BTBD1: variants seen among roughly 807,000 people sequenced by gnomAD.
The protein encoded by BTBD1 is BTB domain containing 1, also known as BTB/POZ domain-containing protein 1.
BTBD1 carries 34 observed loss-of-function variants against 48.0 expected under a neutral mutation model. The observed-to-expected ratio is 0.71, with a 90% confidence interval of 0.54 to 0.94. The LOEUF (loss-of-function observed/expected upper bound fraction) is 0.94, where lower values mean the gene tolerates loss of function less well. BTBD1 is among the 40% of genes least tolerant of loss of function. The pLI, the probability that BTBD1 is intolerant of heterozygous loss-of-function variation, is 0.00. For synonymous variants in BTBD1, 261 were observed against 242.1 expected, an observed-to-expected ratio of 1.08 and a Z score of -0.72; for missense variants, 543 against 625.6, an observed-to-expected ratio of 0.87 and a Z score of 1.41.
intron 4 of BTBD1, 71 bp from the exon 5 acceptor site, chr15:83,030,399 C>T (rs757316302): frequency 5.4e-6 from 7 of 1,302,292 alleles, no homozygotes; most frequent in East Asian, 4.7e-5. Context: ...ATTCACTTAA[C>T]GTAAATTCAA....
Position 83,021,742 on chromosome 15 carries a change from A to AAATAATAGTAATAATAAT in BTBD1, c.1056-981_1056-980insATTATTATTACTATTATT, listed in dbSNP as rs1555438314. On this transcript the variant is annotated intron_variant, in intron 5 of 7. Transcript: ENST00000261721. ...GGGTGACAGAGCGAGACTCCTTCTC[A>AAATAATAGTAATAATAAT]AATAATAATAATAATAATAATAATA... Among the ~76,000 whole-genome samples, 13 of 145,410 alleles carry AAATAATAGTAATAATAAT rather than the reference A, an allele frequency of 8.9e-5. No individual in the cohort carries two copies. In the South Asian group the frequency reaches 2.8e-3, roughly 31 times the overall value.
rs760207852 is a variant in BTBD1 at position 83,056,494 on chromosome 15, A to G, written c.453T>C (p.Thr151=). 6 of 1,613,470 alleles carry G rather than the reference A, an allele frequency of 3.7e-6. No homozygotes were observed. In the East Asian group the frequency reaches 8.9e-5, roughly 24 times the overall value. Residue 151 remains threonine (T), a synonymous_variant, in exon 2 of 8, where the codon ACT becomes ACC. Coordinates refer to ENST00000261721, the MANE Select transcript of BTBD1 (RefSeq NM_025238.4). ...VQIGPETVMT[T]LYTAKKYAVP... The stretch of plus-strand genomic sequence containing the variant: ...CTGCGTATTTCTTGGCAGTATAAAG[A>G]GTGGTCATAACTGTTTCTGGACCAA...
At chr15:83,036,390 T>C (rs2032631293) in intron 4 of BTBD1, among the ~76,000 whole-genome samples, 1 of 152,150 alleles carries the variant, frequency 6.6e-6, no homozygotes, top group Non-Finnish European at 1.5e-5. Flanking sequence ...CACAAATGGC[T>C]AGAACTACAA....
chr15:83,041,362 G>A (rs1237838274), intron 4 of BTBD1, among the ~76,000 whole-genome samples: 2 of 151,588 alleles, frequency 1.3e-5, no homozygotes, highest in African/African-American at 4.8e-5. Context: ...CAGGGAGACT[G>A]ATAGAATTTT....
intron 2 of BTBD1, among the ~76,000 whole-genome samples, chr15:83,051,488 A>ATT (rs2032980579): frequency 6.7e-6 from 1 of 149,408 alleles, no homozygotes; most frequent in South Asian, 2.1e-4. Flanking sequence ...ATATATATAT[A>ATT]TTTTAAGTTT....
chr15:83,027,666 C>T (rs1000082086), intron 5 of BTBD1, among the ~76,000 whole-genome samples: 3 of 152,092 alleles, frequency 2.0e-5, no homozygotes, highest in Non-Finnish European at 4.4e-5. Flanking sequence ...GAAAGTGCCC[C>T]GAATATTGAC....
intron 1 of BTBD1, among the ~76,000 whole-genome samples, 176 bp downstream of exon 1, chr15:83,066,575 T>A (rs2033276083): frequency 6.6e-6 from 1 of 152,036 alleles, no homozygotes; most frequent in Non-Finnish European, 1.5e-5. Context: ...GGTTCACAGA[T>A]TTCGATTTCG....
chr15:83,056,666 T>TCCACCCAC (rs1007607542), intron 1 of BTBD1, 121 bp from the exon 2 acceptor site: 9 of 777,492 alleles, frequency 1.2e-5, no homozygotes, highest in East Asian at 5.6e-5. Flanking sequence ...CATCCATCCA[T>TCCACCCAC]CCACCCACCC....
intron 4 of BTBD1, among the ~76,000 whole-genome samples, chr15:83,038,564 A>T (rs2151305669): frequency 6.6e-6 from 1 of 152,298 alleles, no homozygotes; most frequent in South Asian, 2.1e-4. Flanking sequence ...ATATGCATGG[A>T]ACAAAAAAAA....
intron 5 of BTBD1, chr15:83,029,923 A>AG: frequency 5.1e-6 from 3 of 584,076 alleles, no homozygotes; most frequent in Non-Finnish European, 9.0e-6. Flanking sequence ...TTCTTACTCT[A>AG]TTTTTTTCTT....
At position 83,066,186 on chromosome 15, in the gene BTBD1, A is replaced by G. The variant is rs2033266113; in HGVS notation, c.401+565T>C. Among the ~76,000 whole-genome samples, 4 of 151,890 alleles carry G rather than the reference A, an allele frequency of 2.6e-5. No homozygotes were observed. In the South Asian group the frequency reaches 8.3e-4, roughly 32 times the overall value. Reference sequence around the variant, plus strand: ...TGGTGGCGCGTGCCTGTAGTCCCAAATACTCGGGAGGCTGAGGTCGGAGCA... The same window carrying G: ...TGGTGGCGCGTGCCTGTAGTCCCAAGTACTCGGGAGGCTGAGGTCGGAGCA... On this transcript the variant is annotated intron_variant, in intron 1 of 7. Transcript: ENST00000261721.
At chr15:83,055,524 T>C (rs1336226670) in intron 2 of BTBD1, among the ~76,000 whole-genome samples, 1 of 152,218 alleles carries the variant, frequency 6.6e-6, no homozygotes, top group Non-Finnish European at 1.5e-5. Flanking sequence ...CCCAAAGTGC[T>C]GGGATTACAG....
chr15:83,025,747 G>A (rs2032392356), intron 5 of BTBD1, among the ~76,000 whole-genome samples: 1 of 151,772 alleles, frequency 6.6e-6, no homozygotes, highest in Non-Finnish European at 1.5e-5. Context: ...TTTTTTTGTG[G>A]TAAAGTTATG....
Position 83,020,737 on chromosome 15 carries a change from T to C in BTBD1, c.1081A>G (p.Ile361Val), listed in dbSNP as rs764772572. The C allele has an allele frequency of 4.7e-5, 75 of 1,605,026 alleles. No homozygotes were observed. Among genetic ancestry groups the C allele is most frequent in the Admixed American group, 2.2e-4 (13 of 59,852 alleles). Residue 361 changes from isoleucine to valine, a missense_variant, in exon 6 of 8, where the codon ATA (isoleucine) becomes GTA (valine). This residue lies in a region of BTBD1 where 300 missense variants were observed against 350.0 expected (regional missense o/e 0.86). Transcript: ENST00000261721. ...GATCCATACAAGCCAAATCCAACTA[T>C]AGAGATCCTTCTATTAACTGTGAAT... ...IRFTVNRRIS[I>V]VGFGLYGSIH... is the part of the protein sequence containing the mutation.
chr15:83,022,782 T>C (rs2032326573), intron 5 of BTBD1, among the ~76,000 whole-genome samples: 1 of 151,910 alleles, frequency 6.6e-6, no homozygotes, highest in Admixed American at 6.6e-5. Context: ...GCCAACATGG[T>C]GAAACCCTGT....
intron 3 of BTBD1, among the ~76,000 whole-genome samples, chr15:83,043,222 A>C (rs2032802190): frequency 6.6e-6 from 1 of 152,192 alleles, no homozygotes; most frequent in South Asian, 2.1e-4. Context: ...TGGGGGAGTA[A>C]GCCAAATAGA....
intron 2 of BTBD1, among the ~76,000 whole-genome samples, chr15:83,053,692 A>T (rs2033033397): frequency 6.6e-6 from 1 of 152,244 alleles, no homozygotes; most frequent in African/African-American, 2.4e-5. Context: ...TGACAAATTC[A>T]AAAGAGGAAA....
At chr15:83,061,064 G>A (rs931388060) in intron 1 of BTBD1, among the ~76,000 whole-genome samples, 1 of 152,176 alleles carries the variant, frequency 6.6e-6, no homozygotes, top group African/African-American at 2.4e-5. Flanking sequence ...GAAAGGCATT[G>A]TTCGGCAATT....
intron 1 of BTBD1, among the ~76,000 whole-genome samples, chr15:83,066,192 G>A (rs2033266328): frequency 6.6e-6 from 1 of 151,970 alleles, no homozygotes; most frequent in African/African-American, 2.4e-5. Context: ...CCAAATACTC[G>A]GGAGGCTGAG....
Sources: allele counts gnomAD v4.1 joint callset (sites outside exome capture counted in the v4.1 genomes callset), GRCh38; gene constraint gnomAD v4.1.1; regional missense constraint gnomAD v4.1.1; transcripts MANE v1.5; gene names NCBI Gene and HGNC (gene_info 2026-07-23, HGNC 2026-07-21).